PCDHGB2: variants seen among roughly 807,000 people sequenced by gnomAD.
PCDHGB2 encodes the protein protocadherin gamma-B2.
A neutral mutation model predicts 59.3 loss-of-function variants in PCDHGB2; 55 were observed. That is an observed-to-expected ratio of 0.93 (90% CI 0.75 to 1.16). The LOEUF (loss-of-function observed/expected upper bound fraction) is 1.16. Among genes scored for constraint, PCDHGB2 ranks in the 50% most tolerant of loss-of-function variants. The probability of loss-of-function intolerance (pLI) is 0.00; values close to 1 mark genes in which losing one functional copy is unlikely to be tolerated. For missense variants in PCDHGB2, 1,228 were observed against 1,198.5 expected (o/e 1.02, Z -0.36); for synonymous variants, 516 against 512.0 (o/e 1.01, Z -0.11).
chr5:141,376,249 A>G (rs1433359020), intron 1 of PCDHGB2: 1 of 1,614,042 alleles, frequency 6.2e-7, no homozygotes, highest in Non-Finnish European at 8.5e-7. Context: ...GGCACAAGTC[A>G]CGCCTGCTGC....
At chr5:141,400,760 C>G (rs1296918626) in intron 1 of PCDHGB2, 2 of 582,290 alleles carry the variant, frequency 3.4e-6, no homozygotes, top group Non-Finnish European at 6.0e-6. Context: ...TCCTCTCTAG[C>G]AAAAACATTT....
chr5:141,434,724 C>T (rs2097712360), intron 1 of PCDHGB2, among the ~76,000 whole-genome samples: 2 of 151,800 alleles, frequency 1.3e-5, no homozygotes, highest in Admixed American at 1.3e-4. Flanking sequence ...GTTCAGGGCT[C>T]TCAGCTCTGA....
At chr5:141,433,381 A>ATCTG (rs1561869478) in intron 1 of PCDHGB2, among the ~76,000 whole-genome samples, 2 of 151,148 alleles carry the variant, frequency 1.3e-5, no homozygotes, top group Non-Finnish European at 2.9e-5. Flanking sequence ...CTATCTATCT[A>ATCTG]TCTATCTATC....
chr5:141,452,844 C>T (rs1239022315), intron 1 of PCDHGB2, among the ~76,000 whole-genome samples: 1 of 152,204 alleles, frequency 6.6e-6, no homozygotes, highest in Non-Finnish European at 1.5e-5. Context: ...CCAGCCCACA[C>T]TCTGGGGAGA....
intron 1 of PCDHGB2, chr5:141,440,464 G>C (rs2003094): frequency 1.3e-5 from 2 of 152,150 alleles, no homozygotes; most frequent in Admixed American, 6.5e-5. Context: ...ATGAACAAAC[G>C]GTAGTTGAAA....
At chr5:141,394,785 G>C in intron 1 of PCDHGB2, 2 of 1,613,722 alleles carry the variant, frequency 1.2e-6, no homozygotes, top group South Asian at 2.2e-5. Flanking sequence ...CTCCGCCACT[G>C]TCACGCTCAC....
At chr5:141,403,631 C>T (rs751580878) in intron 1 of PCDHGB2, 8 of 1,613,912 alleles carry the variant, frequency 5.0e-6, no homozygotes, top group South Asian at 2.2e-5. Context: ...CAGCACAGTG[C>T]GCATCCATGT....
chr5:141,364,290 G>C, intron 1 of PCDHGB2: 2 of 1,518,718 alleles, frequency 1.3e-6, no homozygotes, highest in Non-Finnish European at 1.8e-6. Context: ...GAAACAGCAG[G>C]CTGAACCAGA....
chr5:141,413,992 A>G (rs1437832303), intron 1 of PCDHGB2: 1 of 1,613,538 alleles, frequency 6.2e-7, no homozygotes, highest in Admixed American at 1.7e-5. Flanking sequence ...AGCCACCGAC[A>G]GGGACGAAGG....
rs776015544 is a variant in PCDHGB2, at chr5:141,485,125, G to C, written c.2422-9682G>C. The C allele has an allele frequency of 7.1e-7, 1 of 1,412,278 alleles. No homozygotes were observed. Among genetic ancestry groups the C allele is most frequent in the Admixed American group, 1.7e-5 (1 of 57,660 alleles). 87.5% of individuals were successfully genotyped at this position (1,412,278 alleles called of 1,614,324 possible). On this transcript the variant is annotated intron_variant, in intron 1 of 3. Transcript: ENST00000522605. The surrounding 1 kb of genome is among the most constrained non-coding windows in gnomAD (Gnocchi z 5.7). The stretch of plus-strand genomic sequence containing the variant: ...CTGCTGTGGCTGTTTGGGGCGGGTC[G>C]GCTTCATCCGCGTCTCAGGAGCAAG...
At position 141,489,760 on chromosome 5, in the gene PCDHGB2, C is replaced by A; in HGVS notation, c.2422-5047C>A. 1 of 1,614,086 alleles carries A rather than the reference C, an allele frequency of 6.2e-7. No individual in the cohort carries two copies. Among genetic ancestry groups the A allele is most frequent in the Non-Finnish European group, 8.5e-7 (1 of 1,179,970 alleles). On this transcript the variant is annotated intron_variant, in intron 1 of 3. Coordinates refer to ENST00000522605, the MANE Select transcript of PCDHGB2 (RefSeq NM_018923.3). This position sits in a 1 kb window ranked among gnomAD's most constrained non-coding sequence, Gnocchi z 4.5. ...TACTGTGAGCTTTTACACTCTAAGC[C>A]CCAACAGCCACTTCTCTCTGAATGT...
At chr5:141,383,710 G>T in intron 1 of PCDHGB2, 1 of 1,613,992 alleles carries the variant, frequency 6.2e-7, no homozygotes, top group South Asian at 1.1e-5. Context: ...CGACCTGGAC[G>T]AGGGAGTCAA....
chr5:141,494,643 AG>A, intron 1 of PCDHGB2, 163 bp from the exon 2 acceptor site: 1 of 928,048 alleles, frequency 1.1e-6, no homozygotes, highest in Non-Finnish European at 1.3e-6. Flanking sequence ...CTGAGACCTG[AG>A]GTGTATTTTG....
At chr5:141,403,624 C>T (rs1269483770) in intron 1 of PCDHGB2, 3 of 1,613,924 alleles carry the variant, frequency 1.9e-6, no homozygotes. Context: ...GTCGCTCCAG[C>T]ACAGTGCGCA....
chr5:141,458,556 T>C (rs1424881453), intron 1 of PCDHGB2, among the ~76,000 whole-genome samples: 1 of 145,670 alleles, frequency 6.9e-6, no homozygotes, highest in Non-Finnish European at 1.5e-5. Flanking sequence ...TTGTTTGTTT[T>C]GGTTTTGGGT....
At chr5:141,447,950 G>T (rs1195519095) in intron 1 of PCDHGB2, among the ~76,000 whole-genome samples, 1 of 152,052 alleles carries the variant, frequency 6.6e-6, no homozygotes, top group Non-Finnish European at 1.5e-5. Flanking sequence ...GCTGGGCATG[G>T]TGGCGGACAC....
chr5:141,497,986 G>T (rs1404550601), intron 2 of PCDHGB2, among the ~76,000 whole-genome samples: 1 of 152,176 alleles, frequency 6.6e-6, no homozygotes, highest in Non-Finnish European at 1.5e-5. Context: ...GGAGGCCCCT[G>T]CCCTCAAGGA....
chr5:141,390,437 T>C (rs1182289355), intron 1 of PCDHGB2: 42 of 933,186 alleles, frequency 4.5e-5, no homozygotes, highest in Non-Finnish European at 6.5e-5. Flanking sequence ...CATATCATTC[T>C]ACAAAGGAGG....
chr5:141,408,555 A>G, intron 1 of PCDHGB2: 1 of 1,614,052 alleles, frequency 6.2e-7, no homozygotes, highest in South Asian at 1.1e-5. Flanking sequence ...AATATTTTTC[A>G]TGTCATTGTG....
Sources: gnomAD v4.1 joint callset for allele counts (sites outside exome capture counted in the v4.1 genomes callset) on GRCh38, gnomAD v4.1.1 for gene constraint, Gnocchi (gnomAD v3.1) non-coding constraint, MANE v1.5 for transcripts, NCBI Gene and HGNC (gene_info 2026-07-23, HGNC 2026-07-21) for gene names.